The following CDHR2 variants were observed in gnomAD, a reference collection of about 807,000 sequenced individuals.
CDHR2 encodes the protein cadherin-related family member 2.
Under a neutral mutation model 138.6 loss-of-function variants are expected in CDHR2, and 104 were observed. The ratio of observed to expected loss-of-function variants is 0.75; its 90% CI spans 0.64 to 0.88. The LOEUF is 0.88. CDHR2 is among the 40% of genes least tolerant of loss of function. The probability of loss-of-function intolerance (pLI) is 0.00; values close to 1 mark genes in which losing one functional copy is unlikely to be tolerated. For synonymous variants in CDHR2, 755 were observed against 742.8 expected, an observed-to-expected ratio of 1.02 and a Z score of -0.27; for missense variants, 1,624 against 1,727.6, an observed-to-expected ratio of 0.94 and a Z score of 1.06.
intron 3 of CDHR2, among the ~76,000 whole-genome samples, chr5:176,567,465 C>T (rs1758111654): frequency 6.7e-6 from 1 of 149,272 alleles, no homozygotes; most frequent in Non-Finnish European, 1.5e-5. Flanking sequence ...CCACTGTGCA[C>T]CACTACACCT....
intron 1 of CDHR2, among the ~76,000 whole-genome samples, chr5:176,564,567 C>T (rs1758039006): frequency 6.6e-6 from 1 of 152,158 alleles, no homozygotes; most frequent in African/African-American, 2.4e-5. Flanking sequence ...TTCTCCTTTT[C>T]CCTAACAAGG....
At chr5:176,564,208 C>T (rs1758030757) in intron 1 of CDHR2, among the ~76,000 whole-genome samples, 1 of 151,888 alleles carries the variant, frequency 6.6e-6, no homozygotes, top group African/African-American at 2.4e-5. Context: ...TTTTTTGAGA[C>T]GGAGTCTCAC....
At chr5:176,586,653 G>A (rs945013399) in intron 20 of CDHR2, 140 bp from the exon 21 acceptor site, 16 of 682,780 alleles carry the variant, frequency 2.3e-5, no homozygotes, top group Non-Finnish European at 3.6e-5. Flanking sequence ...GCCCAGTGGT[G>A]GCTGTAATAG....
chr5:176,575,590 G>T lies in CDHR2; in HGVS notation c.844+9G>T, dbSNP rs533394997. The T allele has an allele frequency of 3.1e-6, 5 of 1,613,724 alleles. No homozygotes were observed. In the Admixed American group the frequency reaches 5.0e-5, roughly 16 times the overall value. ...GATCTACAGCATCTCCTGTGAGAAC[G>T]GGGTGTCCCCAGGCCAGGGCTGGGC... On this transcript the variant is annotated intron_variant, in intron 10 of 31. Coordinates refer to ENST00000261944, the MANE Select transcript of CDHR2 (RefSeq NM_017675.6).
In CDHR2 at chr5:176,576,464, G is replaced by A. The variant is rs1758385335; in HGVS notation, c.1194+279G>A. Among the ~76,000 whole-genome samples the A allele has an allele frequency of 6.6e-6, 1 of 152,130 alleles. No homozygotes were observed. Among genetic ancestry groups the A allele is most frequent in the African/African-American group, 2.4e-5 (1 of 41,420 alleles). Reference sequence around the variant, plus strand: ...AGAACATCATTGTCCGTGGTGATGGGTGGCTGGCGAGGTCTCCTGGCATTG... The same window carrying A: ...AGAACATCATTGTCCGTGGTGATGGATGGCTGGCGAGGTCTCCTGGCATTG... On this transcript the variant is annotated intron_variant, in intron 12 of 31. Transcript: ENST00000261944. This position sits in a 1 kb window ranked among gnomAD's most constrained non-coding sequence, Gnocchi z 4.5.
At chr5:176,591,601 T>C (rs575344295) in intron 30 of CDHR2, 117 bp downstream of exon 30, 16,893 of 749,564 alleles carry the variant, frequency 0.023, 645 homozygotes, top group Admixed American at 0.13. Flanking sequence ...GGTGTGGTCA[T>C]GGTAGTAGTG....
At chr5:176,592,088 TG>T (rs1758876145) in intron 30 of CDHR2, among the ~76,000 whole-genome samples, 1 of 62,118 alleles carries the variant, frequency 1.6e-5, no homozygotes, top group South Asian at 3.5e-4. Flanking sequence ...ATCGTGGTGG[TG>T]GTGGTGATGG....
intron 15 of CDHR2, 48 bp downstream of exon 15, chr5:176,578,143 GC>G: frequency 6.5e-7 from 1 of 1,536,734 alleles, no homozygotes; most frequent in Non-Finnish European, 8.9e-7. Context: ...CAGGGCCCAG[GC>G]CCACCTCTCT....
chr5:176,581,440 C>T lies in CDHR2; in HGVS notation c.1916C>T (p.Thr639Ile), dbSNP rs1464581918. 1.2e-6 allele frequency: 2 copies of T among 1,614,200 alleles called. No homozygotes were observed. The highest frequency in any genetic ancestry group is 1.1e-5 in the South Asian group (1 of 91,080). ...CACAACTTCTCCTTGGACCCTGACA[C>T]AGGGCTCCTCAGAAACCTGGGGCCC... ...YSHNFSLDPD[T>I]GLLRNLGPLD... The change falls in exon 17 of 32, where the codon ACA becomes ATA. Residue 639 changes from threonine to isoleucine, a missense_variant. Thr to Ile is a moderately conservative substitution (Grantham distance 89). This residue lies in a region of CDHR2 where 1,061 missense variants were observed against 1,136.6 expected (regional missense o/e 0.93). Transcript: ENST00000261944.
upstream of CDHR2, among the ~76,000 whole-genome samples, chr5:176,549,233 C>T (rs1288452218): frequency 1.3e-5 from 2 of 152,136 alleles, no homozygotes; most frequent in African/African-American, 2.4e-5. Context: ...TGTACTCTGC[C>T]TCATTAGGAG....
intron 3 of CDHR2, among the ~76,000 whole-genome samples, chr5:176,566,095 C>T (rs1423558312): frequency 8.3e-5 from 12 of 144,958 alleles, no homozygotes; most frequent in South Asian, 2.2e-4. Context: ...CCCACGCTGG[C>T]TTTTTTTTTT....
chr5:176,590,334 A>T lies in CDHR2; in HGVS notation c.3353+4A>T. 6.2e-7 allele frequency: 1 copy of T among 1,614,028 alleles called. No homozygotes were observed. The highest frequency in any genetic ancestry group is 1.7e-5 in the Admixed American group (1 of 60,022). ...TGACCCTTGATGAGCTGAGTGTGTG[A>T]GTGGGGCTGCCCTTGGGGCAGGTGT... On this transcript the variant is annotated splice_donor_region_variant and intron_variant, in intron 26 of 31. Coordinates refer to ENST00000261944, the MANE Select transcript of CDHR2 (RefSeq NM_017675.6).
At chr5:176,557,384 T>C (rs1757857720) in intron 1 of CDHR2, among the ~76,000 whole-genome samples, 1 of 152,018 alleles carries the variant, frequency 6.6e-6, no homozygotes, top group Non-Finnish European at 1.5e-5. Context: ...TTCTGTATTT[T>C]TTGCAGGGAC....
chr5:176,581,549 C>T lies in CDHR2; in HGVS notation c.2025C>T (p.Leu675=), dbSNP rs372497026. ...VLVSDCGEPV[L]GTKVNVTITV... is the part of the protein sequence containing the mutation. ...TGTCTGACTGCGGCGAGCCTGTCCTCGGCACCAAAGTCAATGTCACCATCA... is the reference window on the plus strand; with the variant it reads ...TGTCTGACTGCGGCGAGCCTGTCCTTGGCACCAAAGTCAATGTCACCATCA... The change falls in exon 17 of 32, where the codon CTC becomes CTT. Residue 675 remains leucine, a synonymous_variant. Coordinates refer to ENST00000261944, the MANE Select transcript of CDHR2 (RefSeq NM_017675.6). The T allele has an allele frequency of 4.6e-5, 74 of 1,613,894 alleles. No homozygotes were observed. The highest frequency in any genetic ancestry group is 1.6e-4 in the African/African-American group (12 of 74,934).
At chr5:176,565,536 G>C in intron 2 of CDHR2, 132 bp downstream of exon 2, 1 of 1,206,828 alleles carries the variant, frequency 8.3e-7, no homozygotes. Context: ...GCTAAGCTGG[G>C]GAGGCCTGGG....
At chr5:176,586,722 C>T in intron 20 of CDHR2, 71 bp from the exon 21 acceptor site, 1 of 1,423,276 alleles carries the variant, frequency 7.0e-7, no homozygotes, top group South Asian at 1.2e-5. Flanking sequence ...CTGAGCTGGG[C>T]TCGTGACCAG....
intron 31 of CDHR2, among the ~76,000 whole-genome samples, chr5:176,594,735 G>C (rs901070131): frequency 6.6e-6 from 1 of 152,212 alleles, no homozygotes; most frequent in African/African-American, 2.4e-5. Flanking sequence ...TCTGGAAAAA[G>C]CCCTTGGAGT....
In CDHR2 at chr5:176,575,729, A is replaced by C; in HGVS notation, c.850A>C (p.Thr284Pro). 1 of 1,578,008 alleles carries C rather than the reference A, an allele frequency of 6.3e-7. No homozygotes were observed. The highest frequency in any genetic ancestry group is 8.6e-7 in the Non-Finnish European group (1 of 1,161,406). Reference sequence around the variant, plus strand: ...TCCGCCTTTCTCCTTGCCAGACTCCACGCGGCCCGGCTGGTTTGACATCGG... The same window carrying C: ...TCCGCCTTTCTCCTTGCCAGACTCCCCGCGGCCCGGCTGGTTTGACATCGG... ...DPVIYSISYS[T>P]RPGWFDIGAD... Residue 284 changes from threonine to proline, a missense_variant, in exon 11 of 32, where the codon ACG (threonine) becomes CCG (proline). This residue lies in a region of CDHR2 where 1,061 missense variants were observed against 1,136.6 expected (regional missense o/e 0.93). Coordinates refer to ENST00000261944, the MANE Select transcript of CDHR2 (RefSeq NM_017675.6).
intron 21 of CDHR2, 82 bp from the exon 22 acceptor site, chr5:176,588,949 C>A: frequency 6.8e-7 from 1 of 1,474,398 alleles, no homozygotes; most frequent in Non-Finnish European, 9.3e-7. Flanking sequence ...CCTCCCAGGC[C>A]ACCCTTGCCT....
Sources: gnomAD v4.1 joint callset for allele counts (sites outside exome capture counted in the v4.1 genomes callset) on GRCh38, gnomAD v4.1.1 for gene constraint, gnomAD v4.1.1 regional missense constraint, Gnocchi (gnomAD v3.1) non-coding constraint, MANE v1.5 for transcripts, NCBI Gene and HGNC (gene_info 2026-07-23, HGNC 2026-07-21) for gene names.